Variants in GALNT7 observed in about 807,000 individuals in gnomAD.
GALNT7 encodes polypeptide N-acetylgalactosaminyltransferase 7, also known as N-acetylgalactosaminyltransferase 7.
A neutral mutation model predicts 82.1 loss-of-function variants in GALNT7; 60 were observed. That is an observed-to-expected ratio of 0.73 (90% CI 0.59 to 0.91). GALNT7 has a LOEUF of 0.91. GALNT7 is among the 40% of genes least tolerant of loss of function. GALNT7 has a pLI of 0.00. For synonymous variants in GALNT7, 243 were observed against 275.1 expected, an observed-to-expected ratio of 0.88 and a Z score of 1.15; for missense variants, 660 against 804.2, an observed-to-expected ratio of 0.82 and a Z score of 2.17.
intron 2 of GALNT7, chr4:173,282,568 CT>C (rs1318911568): frequency 1.3e-5 from 2 of 152,124 alleles, no homozygotes; most frequent in African/African-American, 4.8e-5. Context: ...GGGCATTGAT[CT>C]TTCTGGCTAT....
chr4:173,265,742 C>T (rs1268596500), intron 2 of GALNT7, among the ~76,000 whole-genome samples: 1 of 147,084 alleles, frequency 6.8e-6, no homozygotes, highest in Admixed American at 7.1e-5. Flanking sequence ...TCTTGAATTT[C>T]TTCCACATGT....
intron 2 of GALNT7, among the ~76,000 whole-genome samples, chr4:173,265,158 A>G (rs1052776508): frequency 2.0e-5 from 3 of 152,224 alleles, no homozygotes; most frequent in African/African-American, 7.2e-5. Context: ...GCAGGGGACC[A>G]GATGGATTAG....
intron 1 of GALNT7, among the ~76,000 whole-genome samples, chr4:173,206,740 A>G (rs1280092361): frequency 6.6e-6 from 1 of 152,218 alleles, no homozygotes; most frequent in Non-Finnish European, 1.5e-5. Context: ...TGCACCCTCC[A>G]CAGGAATTTT....
At chr4:173,217,164 A>G (rs912096106) in intron 1 of GALNT7, among the ~76,000 whole-genome samples, 8 of 152,184 alleles carry the variant, frequency 5.3e-5, no homozygotes, top group African/African-American at 1.9e-4. Context: ...CACTTTGCCC[A>G]GTTAACCAGA....
At chr4:173,290,468 C>T (rs923032970) in intron 2 of GALNT7, among the ~76,000 whole-genome samples, 1 of 152,100 alleles carries the variant, frequency 6.6e-6, no homozygotes, top group Admixed American at 6.5e-5. Flanking sequence ...CAACTATTAA[C>T]AATGATTTCC....
chr4:173,274,061 A>C (rs1487937937), intron 2 of GALNT7, among the ~76,000 whole-genome samples: 1 of 152,208 alleles, frequency 6.6e-6, no homozygotes, highest in Non-Finnish European at 1.5e-5. Context: ...ATATAGCTAT[A>C]AACATATGGC....
chr4:173,176,935 A>G (rs1243783452), intron 1 of GALNT7, among the ~76,000 whole-genome samples: 4 of 152,260 alleles, frequency 2.6e-5, no homozygotes, highest in Non-Finnish European at 5.9e-5. Context: ...GAAGGATATA[A>G]TGAAGCTTAA....
rs1309216094 is a variant in GALNT7, at chr4:173,314,009, T to C, written c.1441T>C (p.Tyr481His). ...VWWDEYKDYF[Y>H]ASRPESQALP... ...GTGGGATGAATATAAAGACTACTTC[T>C]ATGCTAGTCGTCCTGAATCGCAGGC... The change falls in exon 9 of 12, where the codon TAT becomes CAT. Residue 481 changes from tyrosine (Y) to histidine (H), a missense_variant. By Grantham distance (83) the Tyr-to-His change is moderately conservative. Transcript: ENST00000265000. 2.5e-6 allele frequency: 4 copies of C among 1,610,022 alleles called. No individual in the cohort carries two copies. The highest frequency in any genetic ancestry group is 3.4e-6 in the Non-Finnish European group (4 of 1,176,510).
chr4:173,271,142 C>T lies in GALNT7; in HGVS notation c.588-20966C>T, dbSNP rs187753884. 2.4e-3 allele frequency among the ~76,000 whole-genome samples: 363 copies of T among 152,218 alleles called. 1 individual carries two copies. The highest frequency in any genetic ancestry group is 8.3e-3 in the African/African-American group (346 of 41,532). On this transcript the variant is annotated intron_variant, in intron 2 of 11. Coordinates refer to ENST00000265000, the MANE Select transcript of GALNT7 (RefSeq NM_017423.3). ...AGCAAAGCCATCTGCAAAGTGAATA[C>T]GAAAATTTGGTCTAATTCTGTTAGT...
chr4:173,172,563 C>T, intron 1 of GALNT7, among the ~76,000 whole-genome samples: 1 of 152,188 alleles, frequency 6.6e-6, no homozygotes, highest in Non-Finnish European at 1.5e-5. Context: ...TAACAACGGC[C>T]TGACCATCAC....
In GALNT7 at chr4:173,317,671, T is replaced by G. The variant is rs745885499; in HGVS notation, c.1646T>G (p.Met549Arg). 2.5e-6 allele frequency: 4 copies of G among 1,613,158 alleles called. 1 individual carries two copies. The Admixed American group carries it at 6.7e-5, about 27-fold the overall frequency. The change falls in exon 10 of 12, where the codon ATG becomes AGG. Residue 549 changes from methionine to arginine, a missense_variant. Around this residue, in one of 2 missense-constraint regions of GALNT7, gnomAD observed 527 missense variants for 683.5 expected, o/e 0.77. Coordinates refer to ENST00000265000, the MANE Select transcript of GALNT7 (RefSeq NM_017423.3). ...GAAACTGCTTACTGCATTGATAGCA[T>G]GGGAAAAACAAATGGAGGCTTTGTT... ...GFETAYCIDS[M>R]GKTNGGFVEL...
intron 1 of GALNT7, among the ~76,000 whole-genome samples, chr4:173,242,753 G>A (rs1408757078): frequency 6.6e-6 from 1 of 152,202 alleles, no homozygotes; most frequent in East Asian, 1.9e-4. Flanking sequence ...GTTGGTGAGA[G>A]TCTGGGGAGC....
chr4:173,300,805 G>A (rs1736895116), intron 6 of GALNT7, among the ~76,000 whole-genome samples: 1 of 152,048 alleles, frequency 6.6e-6, no homozygotes, highest in Non-Finnish European at 1.5e-5. Flanking sequence ...CTAGGCTGGT[G>A]GCAGTGAAGT....
At chr4:173,225,787 T>TA (rs748500482) in intron 1 of GALNT7, among the ~76,000 whole-genome samples, 15 of 152,330 alleles carry the variant, frequency 9.8e-5, no homozygotes, top group Non-Finnish European at 1.9e-4. Context: ...TTGTTAGAGA[T>TA]ACCTGACAGA....
chr4:173,279,381 G>A (rs543705888), intron 2 of GALNT7, among the ~76,000 whole-genome samples: 6 of 152,046 alleles, frequency 3.9e-5, no homozygotes, highest in Admixed American at 1.3e-4. Context: ...TGAGAAATCC[G>A]CCCCCACGAT....
Position 173,295,797 on chromosome 4 carries a change from G to C in GALNT7, c.919G>C (p.Ala307Pro), listed in dbSNP as rs1561193964. The C allele has an allele frequency of 6.2e-7, 1 of 1,610,772 alleles. No individual in the cohort carries two copies. The highest frequency in any genetic ancestry group is 8.5e-7 in the Non-Finnish European group (1 of 1,177,032). ...ATACCTTGATGCCCACTGTGAGGTG[G>C]CAGTTAACTGGTATGCACCACTTGT... ...LIYLDAHCEV[A>P]VNWYAPLVAP... The change falls in exon 5 of 12, where the codon GCA becomes CCA. Residue 307 changes from alanine to proline, a missense_variant. Ala to Pro is a conservative substitution (Grantham distance 27, BLOSUM62 -1). This residue lies in a region of GALNT7 where 527 missense variants were observed against 683.5 expected (regional missense o/e 0.77). Transcript: ENST00000265000.
chr4:173,210,076 G>T (rs555567066), intron 1 of GALNT7, among the ~76,000 whole-genome samples: 2 of 152,186 alleles, frequency 1.3e-5, no homozygotes, highest in East Asian at 3.9e-4. Context: ...CGAGGTTGCA[G>T]TGACCTGAGA....
At chr4:173,249,584 A>C (rs548677840) in intron 2 of GALNT7, among the ~76,000 whole-genome samples, 1 of 152,352 alleles carries the variant, frequency 6.6e-6, no homozygotes, top group African/African-American at 2.4e-5. Flanking sequence ...ATTTATTCCC[A>C]GTAGAGACTT....
At chr4:173,216,721 A>ATTTTT (rs1561157851) in intron 1 of GALNT7, among the ~76,000 whole-genome samples, 1 of 11,302 alleles carries the variant, frequency 8.8e-5, no homozygotes, top group African/African-American at 1.6e-4. Flanking sequence ...ATATATATAT[A>ATTTTT]TATATATTTT....
Sources: gnomAD v4.1 joint callset for allele counts (sites outside exome capture counted in the v4.1 genomes callset) on GRCh38, gnomAD v4.1.1 for gene constraint, gnomAD v4.1.1 regional missense constraint, MANE v1.5 for transcripts, NCBI Gene and HGNC (gene_info 2026-07-23, HGNC 2026-07-21) for gene names.